Variants in DSCAML1 observed in about 807,000 individuals in gnomAD.
The protein encoded by DSCAML1 is DS cell adhesion molecule like 1, also known as cell adhesion molecule DSCAML1.
DSCAML1 carries 38 observed loss-of-function variants against 200.5 expected under a neutral mutation model. The observed-to-expected ratio is 0.19, with a 90% CI of 0.15 to 0.25. The LOEUF (loss-of-function observed/expected upper bound fraction) is 0.25. Among genes scored for constraint, DSCAML1 ranks in the 10% least tolerant of loss-of-function variants. The probability of loss-of-function intolerance (pLI) is 1.00; values close to 1 mark genes in which losing one functional copy is unlikely to be tolerated. For synonymous variants in DSCAML1, 1,215 were observed against 1,165.0 expected (o/e 1.04, Z -0.87); for missense variants, 2,223 against 2,858.8 (o/e 0.78, Z 5.07).
At chr11:117,508,957 T>C (rs762890267) in intron 8 of DSCAML1, among the ~76,000 whole-genome samples, 74 of 152,162 alleles carry the variant, frequency 4.9e-4, no homozygotes, top group Non-Finnish European at 9.4e-4. Context: ...AGCAAGTTAC[T>C]AAGGCAGGTT....
intron 4 of DSCAML1, among the ~76,000 whole-genome samples, chr11:117,525,300 C>A (rs918339346): frequency 6.6e-6 from 1 of 152,084 alleles, no homozygotes; most frequent in Non-Finnish European, 1.5e-5. Context: ...ACTGGGATTC[C>A]CAGCAGGGGC....
chr11:117,435,407 C>T (rs1363521244), intron 27 of DSCAML1, among the ~76,000 whole-genome samples: 1 of 152,194 alleles, frequency 6.6e-6, no homozygotes, highest in African/African-American at 2.4e-5. Context: ...CAGTGTGTAC[C>T]TCTAAATATT....
intron 4 of DSCAML1, 42 bp downstream of exon 4, chr11:117,532,334 C>G (rs761320716): frequency 6.3e-6 from 10 of 1,589,718 alleles, no homozygotes; most frequent in Non-Finnish European, 8.6e-6. Context: ...TGGTGTCCTC[C>G]CTTCCCAGCC....
chr11:117,612,054 G>C (rs1184329630), intron 3 of DSCAML1: 2 of 152,304 alleles, frequency 1.3e-5, no homozygotes, highest in African/African-American at 2.4e-5. Flanking sequence ...ACGTGTTGGA[G>C]AGCAGGAAGC....
At chr11:117,587,255 C>CCCT (rs1555187505) in intron 3 of DSCAML1, among the ~76,000 whole-genome samples, 2 of 140,608 alleles carry the variant, frequency 1.4e-5, no homozygotes, top group Non-Finnish European at 3.1e-5. Flanking sequence ...TCTTTCCAAC[C>CCCT]CCCCCCCACG....
chr11:117,684,027 G>A (rs1349111148), intron 3 of DSCAML1, among the ~76,000 whole-genome samples: 2 of 152,168 alleles, frequency 1.3e-5, no homozygotes, highest in Admixed American at 6.5e-5. Flanking sequence ...TCAATACCTT[G>A]CCTTTCTTTC....
At chr11:117,727,425 C>A (rs2054150556) in intron 3 of DSCAML1, among the ~76,000 whole-genome samples, 1 of 152,214 alleles carries the variant, frequency 6.6e-6, no homozygotes. Context: ...CCTTCCTAAG[C>A]AAAACTTTCT....
At chr11:117,470,398 AC>A (rs2048662206) in intron 15 of DSCAML1, among the ~76,000 whole-genome samples, 1 of 152,076 alleles carries the variant, frequency 6.6e-6, no homozygotes, top group South Asian at 2.1e-4. Context: ...ACAGGGTGAA[AC>A]CCTGTCTCTA....
intron 11 of DSCAML1, among the ~76,000 whole-genome samples, chr11:117,496,787 C>G (rs1353390688): frequency 6.6e-6 from 1 of 152,212 alleles, no homozygotes; most frequent in African/African-American, 2.4e-5. Context: ...CCGGAGGATG[C>G]ATGGGCAGGT....
At chr11:117,737,135 T>A (rs539880362) in intron 3 of DSCAML1, among the ~76,000 whole-genome samples, 54 of 152,312 alleles carry the variant, frequency 3.5e-4, no homozygotes, top group African/African-American at 1.3e-3. Context: ...AAGAACACGG[T>A]CCTATGAATC....
intron 3 of DSCAML1, among the ~76,000 whole-genome samples, chr11:117,616,584 A>C (rs1043944176): frequency 2.0e-5 from 3 of 152,344 alleles, no homozygotes; most frequent in East Asian, 3.9e-4. Flanking sequence ...TGAGCAAAAG[A>C]AGCCAGACTC....
intron 3 of DSCAML1, among the ~76,000 whole-genome samples, chr11:117,626,203 C>G (rs962901240): frequency 2.1e-4 from 18 of 84,828 alleles, no homozygotes; most frequent in East Asian, 6.2e-4. Flanking sequence ...GCTGAGACCC[C>G]CCCCCCTCCT....
intron 3 of DSCAML1, among the ~76,000 whole-genome samples, chr11:117,697,303 G>A (rs2053600457): frequency 6.6e-6 from 1 of 152,140 alleles, no homozygotes; most frequent in African/African-American, 2.4e-5. Context: ...CAGGATATTG[G>A]TCCTGCCCTG....
intron 3 of DSCAML1, among the ~76,000 whole-genome samples, chr11:117,672,361 G>C (rs1383841078): frequency 6.6e-6 from 1 of 151,880 alleles, no homozygotes; most frequent in East Asian, 1.9e-4. Context: ...TTTTCTTTAG[G>C]GGCACCCTCT....
At chr11:117,711,869 A>G (rs2053855802) in intron 3 of DSCAML1, among the ~76,000 whole-genome samples, 1 of 152,212 alleles carries the variant, frequency 6.6e-6, no homozygotes, top group Non-Finnish European at 1.5e-5. Context: ...CTGAATTTGC[A>G]TTACAAAAAA....
chr11:117,545,037 C>T (rs1055387543), intron 3 of DSCAML1, among the ~76,000 whole-genome samples: 2 of 151,852 alleles, frequency 1.3e-5, no homozygotes, highest in South Asian at 2.1e-4. Flanking sequence ...TGAGACCAGC[C>T]TGGCCAAGAT....
At chr11:117,431,148 G>T (rs978117864) in intron 31 of DSCAML1, 115 bp from the exon 32 acceptor site, 14 of 1,050,124 alleles carry the variant, frequency 1.3e-5, no homozygotes, top group African/African-American at 3.2e-5. Context: ...GCCATGGAGG[G>T]CACCAGGCTG....
chr11:117,502,987 G>A (rs543547490), intron 11 of DSCAML1, among the ~76,000 whole-genome samples: 1 of 152,288 alleles, frequency 6.6e-6, no homozygotes, highest in South Asian at 2.1e-4. Context: ...TTATAGCCAT[G>A]TCTTGACATG....
At chr11:117,793,727 C>T (rs924432667) in intron 1 of DSCAML1, among the ~76,000 whole-genome samples, 1 of 152,182 alleles carries the variant, frequency 6.6e-6, no homozygotes, top group Non-Finnish European at 1.5e-5. Flanking sequence ...CCTCTCTGTC[C>T]AGTCCCCCGG....
Sources: allele counts gnomAD v4.1 joint callset (sites outside exome capture counted in the v4.1 genomes callset), GRCh38; gene constraint gnomAD v4.1.1; transcripts MANE v1.5; gene names NCBI Gene and HGNC (gene_info 2026-07-23, HGNC 2026-07-21).